The following CLCN5 variants were observed in gnomAD, a reference collection of about 807,000 sequenced individuals.
The protein encoded by CLCN5 is H(+)/Cl(-) exchange transporter 5.
A neutral mutation model predicts 54.0 loss-of-function variants in CLCN5; 17 were observed. The ratio of observed to expected loss-of-function variants is 0.31; its 90% confidence interval spans 0.22 to 0.47. The LOEUF (loss-of-function observed/expected upper bound fraction) is 0.47, where lower values mean the gene tolerates loss of function less well. Among genes scored for constraint, CLCN5 ranks in the 20% least tolerant of loss-of-function variants. The probability of loss-of-function intolerance (pLI) is 1.00; values close to 1 mark genes in which losing one functional copy is unlikely to be tolerated. For synonymous variants in CLCN5, 222 were observed against 233.0 expected, an observed-to-expected ratio of 0.95 and a Z score of 0.43; for missense variants, 448 against 646.7, an observed-to-expected ratio of 0.69 and a Z score of 3.33.
chrX:50,066,879 GA>G (rs1372934610), intron 4 of CLCN5, among the ~76,000 whole-genome samples: 11 of 111,622 alleles, frequency 9.9e-5, no homozygotes, highest in Non-Finnish European at 1.9e-4. Flanking sequence ...AAGTTCATAT[GA>G]AGTTTAGTTT....
At chrX:49,948,401 A>G (rs1456990815) in intron 3 of CLCN5, among the ~76,000 whole-genome samples, 1 of 111,360 alleles carries the variant, frequency 9.0e-6, no homozygotes, top group African/African-American at 3.3e-5. Flanking sequence ...CTCCACTATC[A>G]GCATATAAAA....
At chrX:50,069,754 T>C (rs1033381859) in intron 4 of CLCN5, 125 bp from the exon 5 acceptor site, 8 of 1,071,942 alleles carry the variant, frequency 7.5e-6, no homozygotes, top group South Asian at 2.6e-5. Context: ...GGTGACTGTA[T>C]TTCTTTATCA....
intron 3 of CLCN5, among the ~76,000 whole-genome samples, chrX:49,952,687 C>T (rs1394875436): frequency 1.8e-5 from 2 of 110,743 alleles, no homozygotes; most frequent in African/African-American, 3.3e-5. Context: ...TAGCCAAATC[C>T]CTTAGTTAAA....
At position 49,982,051 on chromosome X, in the gene CLCN5, T is replaced by C. The variant is rs781940061; in HGVS notation, c.16+56737T>C. 2.6e-3 allele frequency among the ~76,000 whole-genome samples: 287 copies of C among 111,049 alleles called. 1 individual carries two copies. Among genetic ancestry groups the C allele is most frequent in the African/African-American group, 9.0e-3 (276 of 30,558 alleles). ...CCTCTGTTTTGCCCTGCTAATTTTA[T>C]GCTGTTTTGCAAAGCAGCAACAGAG... On this transcript the variant is annotated intron_variant, in intron 3 of 14. Coordinates refer to ENST00000376091, the MANE Select transcript of CLCN5 (RefSeq NM_001127898.4).
chrX:50,091,275 G>A (rs1364464578), intron 14 of CLCN5, among the ~76,000 whole-genome samples: 4 of 111,768 alleles, frequency 3.6e-5, no homozygotes, highest in African/African-American at 1.3e-4. Context: ...TTTCAGTGAG[G>A]TGAGATTTAT....
chrX:49,944,296 G>A (rs1926559857), intron 3 of CLCN5, among the ~76,000 whole-genome samples: 2 of 111,793 alleles, frequency 1.8e-5, no homozygotes, highest in African/African-American at 6.5e-5. Context: ...AGCTTAAGGA[G>A]ATTTTGGGCT....
intron 3 of CLCN5, among the ~76,000 whole-genome samples, chrX:50,029,156 C>G (rs1557185452): frequency 8.9e-6 from 1 of 111,829 alleles, no homozygotes; most frequent in African/African-American, 3.2e-5. Flanking sequence ...GCTAAACTTT[C>G]TATTCTTTTT....
chrX:50,025,505 C>G (rs905231866), intron 3 of CLCN5, among the ~76,000 whole-genome samples: 1 of 111,287 alleles, frequency 9.0e-6, no homozygotes, highest in African/African-American at 3.3e-5. Context: ...GCTCCTCCCC[C>G]TACATTAGCC....
intron 3 of CLCN5, among the ~76,000 whole-genome samples, chrX:50,002,663 GTC>G (rs1174801174): frequency 7.1e-4 from 66 of 92,574 alleles, no homozygotes; most frequent in Middle Eastern, 5.2e-3. Context: ...CTCTGTCTCT[GTC>G]TCTCTCTCTC....
At chrX:50,063,765 A>T (rs1171657288) in intron 4 of CLCN5, among the ~76,000 whole-genome samples, 3 of 110,707 alleles carry the variant, frequency 2.7e-5, no homozygotes, top group Non-Finnish European at 5.7e-5. Flanking sequence ...CCTCAATAAA[A>T]TACTGGCAAA....
chrX:50,077,770 G>A (rs1173592180), intron 7 of CLCN5, among the ~76,000 whole-genome samples: 1 of 75,387 alleles, frequency 1.3e-5, no homozygotes, highest in African/African-American at 5.5e-5. Flanking sequence ...GAGGTCAAGA[G>A]TTTGAAAGCA....
intron 8 of CLCN5, among the ~76,000 whole-genome samples, chrX:50,080,932 G>A (rs1425520119): frequency 9.0e-6 from 1 of 111,258 alleles, no homozygotes; most frequent in Non-Finnish European, 1.9e-5. Flanking sequence ...GAGGGTTCCT[G>A]TTGAGCCAGG....
At chrX:50,075,422 G>T (rs189461384) in intron 6 of CLCN5, among the ~76,000 whole-genome samples, 4 of 110,911 alleles carry the variant, frequency 3.6e-5, no homozygotes, top group African/African-American at 1.3e-4. Context: ...GAGAATAAAA[G>T]AATCTTTAAT....
chrX:50,065,913 C>G (rs1244507827), intron 4 of CLCN5, among the ~76,000 whole-genome samples: 3 of 96,745 alleles, frequency 3.1e-5, no homozygotes, highest in Non-Finnish European at 6.1e-5. Flanking sequence ...ATCGCAACAA[C>G]AAAAAACCAA....
At chrX:50,065,784 T>C (rs1433756150) in intron 4 of CLCN5, among the ~76,000 whole-genome samples, 2 of 103,643 alleles carry the variant, frequency 1.9e-5, no homozygotes, top group Middle Eastern at 4.9e-3. Context: ...AATGATAGAC[T>C]GGATTAAGAA....
In CLCN5 at chrX:50,074,260, T is replaced by C. The variant is rs143766781; in HGVS notation, c.416-1535T>C. ...ACCACTGTAGAAGTTTTGGTAGTCA[T>C]AGGAGAGAGAGGAAGGGTAAAGGCT... On this transcript the variant is annotated intron_variant, in intron 6 of 14. Coordinates refer to ENST00000376091, the MANE Select transcript of CLCN5 (RefSeq NM_001127898.4). Among the ~76,000 whole-genome samples, 1,351 of 111,595 alleles carry C rather than the reference T, an allele frequency of 0.012. 55 individuals are homozygous for C. The East Asian group carries it at 0.17, about 14-fold the overall frequency.
At chrX:50,012,693 G>A (rs1010464027) in intron 3 of CLCN5, among the ~76,000 whole-genome samples, 1 of 111,789 alleles carries the variant, frequency 8.9e-6, no homozygotes, top group South Asian at 3.8e-4. Flanking sequence ...TAGAGCAGTG[G>A]TTCTCAGTGT....
intron 7 of CLCN5, among the ~76,000 whole-genome samples, chrX:50,078,481 A>G (rs782261457): frequency 2.7e-5 from 3 of 112,528 alleles, no homozygotes; most frequent in East Asian, 5.6e-4. Flanking sequence ...CAGGAAATTG[A>G]CATAGGTACA....
At chrX:49,972,794 A>C (rs1240448898) in intron 3 of CLCN5, among the ~76,000 whole-genome samples, 1 of 111,770 alleles carries the variant, frequency 8.9e-6, no homozygotes, top group Non-Finnish European at 1.9e-5. Flanking sequence ...ATTGTGCCAG[A>C]TGCTTCCAAC....
Sources: allele counts gnomAD v4.1 joint callset (sites outside exome capture counted in the v4.1 genomes callset), GRCh38; gene constraint gnomAD v4.1.1; transcripts MANE v1.5; gene names NCBI Gene and HGNC (gene_info 2026-07-23, HGNC 2026-07-21).